Variants in RBMS3 observed in about 807,000 individuals in gnomAD.
RBMS3 encodes the protein RNA-binding motif, single-stranded-interacting protein 3.
Under a neutral mutation model 66.8 loss-of-function variants are expected in RBMS3, and 27 were observed. The observed-to-expected ratio is 0.40, with a 90% confidence interval of 0.30 to 0.56. The LOEUF (loss-of-function observed/expected upper bound fraction) is 0.56, where lower values mean the gene tolerates loss of function less well. Ranked by LOEUF, RBMS3 falls within the 20% of genes least tolerant of loss-of-function variation. RBMS3 has a pLI of 0.40. For missense variants in RBMS3, 513 were observed against 549.5 expected (o/e 0.93, Z 0.66); for synonymous variants, 188 against 183.0 (o/e 1.03, Z -0.22).
At chr3:29,342,785 G>C (rs890528623) in intron 1 of RBMS3, among the ~76,000 whole-genome samples, 2 of 152,074 alleles carry the variant, frequency 1.3e-5, no homozygotes, top group Admixed American at 6.6e-5. Context: ...TATACAAATA[G>C]TTCATTTGTT....
intron 2 of RBMS3, among the ~76,000 whole-genome samples, chr3:29,460,813 G>C (rs2042345269): frequency 1.3e-5 from 2 of 152,202 alleles, no homozygotes; most frequent in Non-Finnish European, 2.9e-5. Flanking sequence ...CTGGGTTAGA[G>C]ATACAAACAC....
At chr3:29,812,843 C>A (rs570201044) in intron 6 of RBMS3, among the ~76,000 whole-genome samples, 209 of 152,124 alleles carry the variant, frequency 1.4e-3, no homozygotes, top group African/African-American at 4.8e-3. Flanking sequence ...GATGGTAGAA[C>A]ATATAAATAA....
At chr3:29,338,681 C>T (rs1305199236) in intron 1 of RBMS3, among the ~76,000 whole-genome samples, 1 of 99,566 alleles carries the variant, frequency 1.0e-5, no homozygotes, top group South Asian at 3.5e-4. Context: ...TCTCCTCCTC[C>T]TCTCCTCTCC....
chr3:29,284,895 C>T (rs1575465705), intron 1 of RBMS3, among the ~76,000 whole-genome samples: 1 of 107,466 alleles, frequency 9.3e-6, no homozygotes, highest in Non-Finnish European at 1.8e-5. Context: ...CCAAAAGAAG[C>T]AATTTCAAGG....
intron 2 of RBMS3, among the ~76,000 whole-genome samples, chr3:29,458,848 C>T (rs969442471): frequency 3.9e-5 from 6 of 152,186 alleles, no homozygotes; most frequent in Admixed American, 2.0e-4. Flanking sequence ...ATATTACCAC[C>T]ACACTGTCAG....
chr3:29,396,382 G>A (rs1241262107), intron 1 of RBMS3, among the ~76,000 whole-genome samples: 3 of 152,124 alleles, frequency 2.0e-5, no homozygotes. Flanking sequence ...CACTGTAACT[G>A]GATGCTGTAT....
chr3:29,388,803 A>G (rs888972690), intron 1 of RBMS3, among the ~76,000 whole-genome samples: 1 of 152,150 alleles, frequency 6.6e-6, no homozygotes, highest in African/African-American at 2.4e-5. Flanking sequence ...TGACCTCGTG[A>G]TCCGCCCGCC....
At chr3:29,689,917 C>CAAAAAAAAAAAAAAAAAAAAAAAA (rs66580293) in intron 4 of RBMS3, among the ~76,000 whole-genome samples, 3 of 27,726 alleles carry the variant, frequency 1.1e-4, no homozygotes, top group African/African-American at 2.0e-4. Context: ...CTATCTCTAC[C>CAAAAAAAAAAAAAAAAAAAAAAAA]AAAAAAAAAA....
intron 4 of RBMS3, among the ~76,000 whole-genome samples, chr3:29,609,223 G>A (rs190091602): frequency 2.3e-4 from 35 of 152,028 alleles, no homozygotes; most frequent in African/African-American, 7.5e-4. Context: ...ACAGGTTAAC[G>A]AACACTTTAA....
intron 4 of RBMS3, among the ~76,000 whole-genome samples, chr3:29,665,627 A>G (rs7634879): frequency 0.13 from 19,735 of 152,268 alleles, 1,412 homozygotes; most frequent in Middle Eastern, 0.27. Context: ...GTCAGCATTT[A>G]AGTTTGCCAA....
chr3:29,306,483 G>T (rs1414506255), intron 1 of RBMS3, among the ~76,000 whole-genome samples: 1 of 151,882 alleles, frequency 6.6e-6, no homozygotes, highest in Non-Finnish European at 1.5e-5. Flanking sequence ...TGACTAATAA[G>T]AATCAATTAG....
intron 3 of RBMS3, among the ~76,000 whole-genome samples, chr3:29,532,379 C>T (rs1291458504): frequency 6.6e-6 from 1 of 150,776 alleles, no homozygotes; most frequent in Non-Finnish European, 1.5e-5. Context: ...ACATACATTT[C>T]TTAGGTACCA....
At chr3:29,766,891 A>G (rs942505496) in intron 6 of RBMS3, 1 of 151,992 alleles carries the variant, frequency 6.6e-6, no homozygotes, top group African/African-American at 2.4e-5. Flanking sequence ...ATCAGCAGAA[A>G]GAGATCATTC....
At chr3:29,460,056 T>C (rs1456900803) in intron 2 of RBMS3, among the ~76,000 whole-genome samples, 1 of 152,232 alleles carries the variant, frequency 6.6e-6, no homozygotes, top group African/African-American at 2.4e-5. Flanking sequence ...TGAATCAAAA[T>C]ACATCTTGCC....
intron 6 of RBMS3, among the ~76,000 whole-genome samples, chr3:29,837,108 A>G (rs936706497): frequency 6.6e-6 from 1 of 152,026 alleles, no homozygotes; most frequent in Non-Finnish European, 1.5e-5. Flanking sequence ...ACAGTGTTAC[A>G]TGGGGTCAAT....
At position 29,735,762 on chromosome 3, in the gene RBMS3, A is replaced by G. The variant is rs571999143; in HGVS notation, c.400-3958A>G. On this transcript the variant is annotated intron_variant, in intron 4 of 14. Transcript: ENST00000383767. ...ATCATTGGATTTTAAGAATAAAGTC[A>G]GTGTTGTAAATTGGCAATAACATCA... is the stretch of plus-strand genomic sequence containing the variant. Among the ~76,000 whole-genome samples, 5 of 152,324 alleles carry G rather than the reference A, an allele frequency of 3.3e-5. No homozygotes were observed. In the East Asian group the frequency reaches 9.6e-4, roughly 29 times the overall value.
intron 4 of RBMS3, among the ~76,000 whole-genome samples, chr3:29,646,843 T>A (rs780843010): frequency 6.6e-6 from 1 of 152,118 alleles, no homozygotes; most frequent in Admixed American, 6.5e-5. Flanking sequence ...ATCTCCCACG[T>A]GATTTGGGTA....
At chr3:29,360,096 A>T (rs1411596331) in intron 1 of RBMS3, among the ~76,000 whole-genome samples, 1 of 151,952 alleles carries the variant, frequency 6.6e-6, no homozygotes, top group Non-Finnish European at 1.5e-5. Flanking sequence ...AAGCTTCTGA[A>T]TGTGTTTGCT....
intron 2 of RBMS3, among the ~76,000 whole-genome samples, chr3:29,463,199 A>T (rs2042425893): frequency 6.6e-6 from 1 of 152,214 alleles, no homozygotes; most frequent in African/African-American, 2.4e-5. Flanking sequence ...GTTAACATTT[A>T]ACCTATTTTT....
Sources: gnomAD v4.1 joint callset for allele counts (sites outside exome capture counted in the v4.1 genomes callset) on GRCh38, gnomAD v4.1.1 for gene constraint, MANE v1.5 for transcripts, NCBI Gene and HGNC (gene_info 2026-07-23, HGNC 2026-07-21) for gene names.